RALGAPB: variants seen among roughly 807,000 people sequenced by gnomAD.
The protein encoded by RALGAPB is Ral GTPase activating protein non-catalytic subunit beta.
A neutral mutation model predicts 161.1 loss-of-function variants in RALGAPB; 25 were observed. That is an observed-to-expected ratio of 0.16 (90% CI 0.11 to 0.22). RALGAPB has a LOEUF of 0.22. Among genes scored for constraint, RALGAPB ranks in the 10% least tolerant of loss-of-function variants. The probability of loss-of-function intolerance (pLI) is 1.00; values close to 1 mark genes in which losing one functional copy is unlikely to be tolerated. For synonymous variants in RALGAPB, 629 were observed against 626.1 expected, an observed-to-expected ratio of 1.00 and a Z score of -0.07; for missense variants, 1,391 against 1,815.2, an observed-to-expected ratio of 0.77 and a Z score of 4.25.
At position 38,472,867 on chromosome 20, in the gene RALGAPB, C is replaced by G; in HGVS notation, c.-233C>G. On this transcript the variant is annotated 5_prime_UTR_variant, in exon 1 of 30. Transcript: ENST00000262879. ...CAGTCGGAAGTTGCCTGAGCAGATC[C>G]CAGCCGGCTGGCTCGAGTGGCCTTC... 2.5e-6 allele frequency: 1 copy of G among 399,002 alleles called. No homozygotes were observed. Among genetic ancestry groups the G allele is most frequent in the Non-Finnish European group, 4.4e-6 (1 of 226,024 alleles). 24.7% of individuals were successfully genotyped at this position (399,002 alleles called of 1,614,324 possible). A position where few individuals can be genotyped will look rare whatever the true frequency, so the allele number is the denominator to read the frequency against.
intron 1 of RALGAPB, among the ~76,000 whole-genome samples, chr20:38,473,899 A>G (rs2084724937): frequency 6.6e-6 from 1 of 152,168 alleles, no homozygotes; most frequent in African/African-American, 2.4e-5. Flanking sequence ...AACCGCATGT[A>G]ATTTGATAAT....
intron 10 of RALGAPB, among the ~76,000 whole-genome samples, chr20:38,522,083 A>G (rs2086306836): frequency 6.6e-6 from 1 of 152,260 alleles, no homozygotes; most frequent in South Asian, 2.1e-4. Flanking sequence ...CCGTGTACAC[A>G]TGTAACAATG....
intron 6 of RALGAPB, 128 bp downstream of exon 6, chr20:38,509,336 C>A: frequency 9.6e-7 from 1 of 1,045,794 alleles, no homozygotes; most frequent in Non-Finnish European, 1.4e-6. Flanking sequence ...TGGAATCCAG[C>A]TGGACAACAA....
chr20:38,532,280 A>C (rs940216857), intron 14 of RALGAPB, among the ~76,000 whole-genome samples: 6 of 152,108 alleles, frequency 3.9e-5, no homozygotes, highest in African/African-American at 1.4e-4. Context: ...GATGGTCTCG[A>C]TCTCCTGACC....
intron 2 of RALGAPB, among the ~76,000 whole-genome samples, chr20:38,492,062 G>A (rs1418030911): frequency 6.6e-6 from 1 of 152,210 alleles, no homozygotes; most frequent in Non-Finnish European, 1.5e-5. Context: ...GATGATGGTA[G>A]AATGGCTGGA....
chr20:38,531,972 C>A (rs1267208056), intron 14 of RALGAPB, among the ~76,000 whole-genome samples: 2 of 152,002 alleles, frequency 1.3e-5, no homozygotes, highest in African/African-American at 4.8e-5. Context: ...TAAAACTAAC[C>A]CTAGTATTGT....
chr20:38,494,046 C>T (rs543184596), intron 3 of RALGAPB, among the ~76,000 whole-genome samples: 2 of 152,320 alleles, frequency 1.3e-5, no homozygotes, highest in African/African-American at 4.8e-5. Context: ...TTTAATTCTG[C>T]CTTGTGAGGA....
At chr20:38,557,157 G>A (rs1411516886) in intron 22 of RALGAPB, among the ~76,000 whole-genome samples, 4 of 152,174 alleles carry the variant, frequency 2.6e-5, no homozygotes, top group East Asian at 1.9e-4. Context: ...GAAGATAGGG[G>A]ATTAAGAGGA....
chr20:38,555,865 A>T (rs771990790), intron 22 of RALGAPB, among the ~76,000 whole-genome samples: 13 of 152,226 alleles, frequency 8.5e-5, no homozygotes, highest in Non-Finnish European at 1.8e-4. Context: ...GAATGTATGT[A>T]CAAAAGTATT....
In RALGAPB at chr20:38,497,338, G is replaced by A; in HGVS notation, c.390-15G>A. 6.2e-7 allele frequency: 1 copy of A among 1,611,702 alleles called. No individual in the cohort carries two copies. The highest frequency in any genetic ancestry group is 2.2e-5 in the East Asian group (1 of 44,836). On this transcript the variant is annotated splice_polypyrimidine_tract_variant and intron_variant, in intron 3 of 29. Transcript: ENST00000262879. ...TCCTCCAGGCTTGTCAGTGATATCT[G>A]TCTGTCTTCTTCAGACAGGAACAGG... is the stretch of plus-strand genomic sequence containing the variant.
At chr20:38,531,365 C>T in intron 14 of RALGAPB, 134 bp downstream of exon 14, 1 of 730,584 alleles carries the variant, frequency 1.4e-6, no homozygotes, top group Non-Finnish European at 2.2e-6. Flanking sequence ...CAGAAGTTTT[C>T]TTTTTAAAAA....
chr20:38,495,485 G>A (rs1304397925), intron 3 of RALGAPB, among the ~76,000 whole-genome samples: 1 of 152,094 alleles, frequency 6.6e-6, no homozygotes, highest in Non-Finnish European at 1.5e-5. Context: ...AGTTCTGCTG[G>A]TGTGGCATGA....
rs759808955 is a variant in RALGAPB, at chr20:38,551,263, A to G, written c.3162+40A>G. 13 of 1,589,934 alleles carry G rather than the reference A, an allele frequency of 8.2e-6. No individual in the cohort carries two copies. In the Admixed American group the frequency reaches 1.9e-4, roughly 23 times the overall value. On this transcript the variant is annotated intron_variant, in intron 21 of 29. Transcript: ENST00000262879. ...TTTAGCTGTTGTCAAGGGGATGAAT[A>G]GAAACATTCTTACGACTTCCTTGGT...
rs201210794 is a variant in RALGAPB, at chr20:38,473,838, AT to A, written c.-31+779del. Reference sequence around the variant, plus strand: ...CTGGAGTTGAAAGCCAGACTTCAATATTTTTTTTTTAAAGATGCCCAAGTGA... The same window carrying A: ...CTGGAGTTGAAAGCCAGACTTCAATATTTTTTTTTAAAGATGCCCAAGTGA... On this transcript the variant is annotated intron_variant, in intron 1 of 29. Transcript: ENST00000262879. 2.7e-5 allele frequency among the ~76,000 whole-genome samples: 4 copies of A among 150,790 alleles called. No homozygotes were observed. The South Asian group carries it at 6.3e-4, about 24-fold the overall frequency.
intron 1 of RALGAPB, 71 bp from the exon 2 acceptor site, chr20:38,488,326 TCTATAC>T: frequency 1.1e-6 from 1 of 915,910 alleles, no homozygotes; most frequent in South Asian, 1.8e-5. Context: ...ATGCCAATAG[TCTATAC>T]ATCTGTTTTA....
At chr20:38,520,194 A>T in intron 9 of RALGAPB, 1 of 605,924 alleles carries the variant, frequency 1.7e-6, no homozygotes, top group Non-Finnish European at 2.1e-6. Context: ...TTTTATAATT[A>T]CTACTGTCCT....
intron 20 of RALGAPB, among the ~76,000 whole-genome samples, chr20:38,550,199 A>G (rs933203770): frequency 6.6e-6 from 1 of 152,198 alleles, no homozygotes; most frequent in Non-Finnish European, 1.5e-5. Context: ...ATGCTAGATG[A>G]CGAGTTAGTG....
At chr20:38,551,581 T>C (rs1442253450) in intron 21 of RALGAPB, among the ~76,000 whole-genome samples, 1 of 152,168 alleles carries the variant, frequency 6.6e-6, no homozygotes, top group Non-Finnish European at 1.5e-5. Context: ...CATATGGAAT[T>C]TTAATATATA....
rs189737060 is a variant in RALGAPB at position 38,573,935 on chromosome 20, G to A, written c.4143-215G>A. The A allele has an allele frequency of 2.2e-3, 800 of 365,800 alleles. 13 individuals are homozygous for A. Among genetic ancestry groups the A allele is most frequent in the Non-Finnish European group, 2.2e-4 (46 of 206,078 alleles). The allele number at this position is 365,800 out of a possible 1,614,324, so 22.7% of individuals were successfully genotyped here. ...CTGTTAGCTTAGAAAGCTTGACCCA[G>A]TAATGGACCTTTAGGACCAGATGTT... On this transcript the variant is annotated intron_variant, in intron 28 of 29. Transcript: ENST00000262879.
Sources: gnomAD v4.1 joint callset for allele counts (sites outside exome capture counted in the v4.1 genomes callset) on GRCh38, gnomAD v4.1.1 for gene constraint, MANE v1.5 for transcripts, NCBI Gene and HGNC (gene_info 2026-07-23, HGNC 2026-07-21) for gene names.